The following TAFA5 variants were observed in gnomAD, a reference collection of about 807,000 sequenced individuals.
The protein encoded by TAFA5 is TAFA chemokine like family member 5, also known as chemokine-like protein TAFA-5.
Under a neutral mutation model 15.3 loss-of-function variants are expected in TAFA5, and 6 were observed. That is an observed-to-expected ratio of 0.39 (90% confidence interval 0.21 to 0.77). TAFA5 has a LOEUF of 0.77. TAFA5 is among the 30% of genes least tolerant of loss of function. The pLI, the probability that TAFA5 is intolerant of heterozygous loss-of-function variation, is 0.41. For synonymous variants in TAFA5, 103 were observed against 80.7 expected (o/e 1.28, Z -1.48); for missense variants, 161 against 193.1 (o/e 0.83, Z 0.98).
chr22:48,644,341 A>C (rs988977932), intron 1 of TAFA5, among the ~76,000 whole-genome samples: 1 of 151,476 alleles, frequency 6.6e-6, no homozygotes, highest in East Asian at 2.0e-4. Context: ...AACTTATGCC[A>C]CCCCCTCCCC....
intron 1 of TAFA5, among the ~76,000 whole-genome samples, chr22:48,631,089 C>T (rs1186989187): frequency 1.3e-5 from 2 of 152,190 alleles, no homozygotes; most frequent in African/African-American, 2.4e-5. Context: ...AAGGACGGAC[C>T]TCCTGGGCCA....
At chr22:48,604,346 A>T (rs1400053729) in intron 1 of TAFA5, among the ~76,000 whole-genome samples, 2 of 152,232 alleles carry the variant, frequency 1.3e-5, no homozygotes, top group African/African-American at 2.4e-5. Context: ...CACCACTCAG[A>T]CATGTCCTCT....
In TAFA5 at chr22:48,566,932, T is replaced by G. The variant is rs1923427508; in HGVS notation, c.112+77228T>G. ...GTCAGTGGGTTGGGTTTGTCCTTTC[T>G]CCTTTGCTCCGCAGCACTGCTGCCT... On this transcript the variant is annotated intron_variant, in intron 1 of 3. Transcript: ENST00000402357. The surrounding 1 kb of genome is among the most constrained non-coding windows in gnomAD (Gnocchi z 4.5). Among the ~76,000 whole-genome samples the G allele has an allele frequency of 6.6e-6, 1 of 152,204 alleles. No individual in the cohort carries two copies. Among genetic ancestry groups the G allele is most frequent in the African/African-American group, 2.4e-5 (1 of 41,456 alleles).
intron 1 of TAFA5, among the ~76,000 whole-genome samples, chr22:48,583,191 AAC>A (rs752235889): frequency 5.5e-5 from 8 of 146,304 alleles, no homozygotes; most frequent in Non-Finnish European, 1.1e-4. Context: ...GTGCACTCCA[AAC>A]ACAAAATATA....
chr22:48,489,741 C>G lies in TAFA5; in HGVS notation c.112+37C>G. ...GCGGCCCCGGCCCCGGCACGGCCCT[C>G]TGGGCCCCGGACCCCCTCCTCCGGC... On this transcript the variant is annotated intron_variant, in intron 1 of 3. Transcript: ENST00000402357. This position sits in a 1 kb window ranked among gnomAD's most constrained non-coding sequence, Gnocchi z 5.5. 1 of 1,309,882 alleles carries G rather than the reference C, an allele frequency of 7.6e-7. No individual in the cohort carries two copies. Among genetic ancestry groups the G allele is most frequent in the Non-Finnish European group, 1.0e-6 (1 of 997,732 alleles). 81.1% of individuals were successfully genotyped at this position (1,309,882 alleles called of 1,614,324 possible).
chr22:48,577,515 C>T (rs1923858324), intron 1 of TAFA5, among the ~76,000 whole-genome samples: 1 of 152,350 alleles, frequency 6.6e-6, no homozygotes, highest in East Asian at 1.9e-4. Flanking sequence ...TGGTGCTCCC[C>T]TTGGTCCGCT....
chr22:48,584,503 C>CACA (rs1924252581), intron 1 of TAFA5, among the ~76,000 whole-genome samples: 2 of 148,024 alleles, frequency 1.4e-5, no homozygotes, highest in Non-Finnish European at 3.0e-5. Flanking sequence ...ACAAAATACA[C>CACA]CACACACACA....
intron 1 of TAFA5, among the ~76,000 whole-genome samples, chr22:48,641,679 C>T (rs1333673102): frequency 2.0e-5 from 3 of 151,472 alleles, no homozygotes; most frequent in African/African-American, 7.3e-5. Flanking sequence ...CTCGCACACG[C>T]GTGTGCACAC....
At chr22:48,725,112 G>A (rs140014244) in intron 3 of TAFA5, among the ~76,000 whole-genome samples, 9 of 152,350 alleles carry the variant, frequency 5.9e-5, no homozygotes, top group South Asian at 4.1e-4. Flanking sequence ...TCCAGCTGGC[G>A]GGAAGCCTGT....
At chr22:48,689,251 G>T (rs1051771417) in intron 2 of TAFA5, among the ~76,000 whole-genome samples, 1 of 152,174 alleles carries the variant, frequency 6.6e-6, no homozygotes, top group African/African-American at 2.4e-5. Context: ...AGCGGGGAGT[G>T]TGGAGCAGAT....
In TAFA5 at chr22:48,685,649, C is replaced by T. The variant is rs552052107; in HGVS notation, c.263-22068C>T. On this transcript the variant is annotated intron_variant, in intron 2 of 3. Coordinates refer to ENST00000402357, the MANE Select transcript of TAFA5 (RefSeq NM_001082967.3). ...TATTGAGGGGTGTCTAATCTCCCAT[C>T]CCATCATGGTTGGGAATTCAGTTTG... Among the ~76,000 whole-genome samples the T allele has an allele frequency of 1.8e-3, 268 of 152,056 alleles. 1 individual carries two copies. Among genetic ancestry groups the T allele is most frequent in the African/African-American group, 6.3e-3 (261 of 41,440 alleles).
chr22:48,532,351 C>A (rs769461630), intron 1 of TAFA5, among the ~76,000 whole-genome samples: 4 of 152,200 alleles, frequency 2.6e-5, no homozygotes, highest in Admixed American at 2.6e-4. Flanking sequence ...CCTGACAGCT[C>A]GGATCTTTCC....
chr22:48,710,261 T>C (rs1929210610), intron 3 of TAFA5, among the ~76,000 whole-genome samples: 1 of 152,138 alleles, frequency 6.6e-6, no homozygotes, highest in African/African-American at 2.4e-5. Context: ...CACTGGTAAG[T>C]GGGGGACACA....
intron 3 of TAFA5, among the ~76,000 whole-genome samples, chr22:48,734,575 C>T (rs77014260): frequency 0.062 from 9,493 of 152,314 alleles, 781 homozygotes; most frequent in East Asian, 0.45. Context: ...GGCGGCCTGC[C>T]TGGCCCAAGC....
chr22:48,632,677 G>A (rs1601629437), intron 1 of TAFA5, among the ~76,000 whole-genome samples: 1 of 152,196 alleles, frequency 6.6e-6, no homozygotes, highest in African/African-American at 2.4e-5. Context: ...GGGCATTGAA[G>A]GGCCCTGGCC....
intron 1 of TAFA5, among the ~76,000 whole-genome samples, chr22:48,516,041 C>T (rs545982751): frequency 2.0e-5 from 3 of 152,194 alleles, no homozygotes; most frequent in South Asian, 4.2e-4. Context: ...CAGCACCCGC[C>T]GGCCTTGACC....
chr22:48,634,474 C>A (rs943593309), intron 1 of TAFA5, among the ~76,000 whole-genome samples: 12 of 140,674 alleles, frequency 8.5e-5, no homozygotes, highest in Non-Finnish European at 1.7e-4. Context: ...TTCACTCAAT[C>A]ACTCAATCAC....
intron 2 of TAFA5, among the ~76,000 whole-genome samples, chr22:48,706,127 G>A (rs1027128842): frequency 6.6e-6 from 1 of 152,204 alleles, no homozygotes; most frequent in African/African-American, 2.4e-5. Flanking sequence ...TGACAGAGAG[G>A]CCTTCCCTAC....
intron 1 of TAFA5, among the ~76,000 whole-genome samples, chr22:48,551,722 G>C (rs957348900): frequency 1.3e-5 from 2 of 151,940 alleles, no homozygotes; most frequent in African/African-American, 4.8e-5. Flanking sequence ...AGGTGCAGGA[G>C]GGGAGACGGG....
Sources: allele counts gnomAD v4.1 joint callset (sites outside exome capture counted in the v4.1 genomes callset), GRCh38; gene constraint gnomAD v4.1.1; non-coding constraint Gnocchi (gnomAD v3.1); transcripts MANE v1.5; gene names NCBI Gene and HGNC (gene_info 2026-07-23, HGNC 2026-07-21).